TRPC7: variants seen among roughly 807,000 people sequenced by gnomAD.
TRPC7 encodes the protein transient receptor potential cation channel subfamily C member 7, also known as short transient receptor potential channel 7.
TRPC7 carries 42 observed loss-of-function variants against 90.1 expected under a neutral mutation model. The ratio of observed to expected loss-of-function variants is 0.47; its 90% CI spans 0.36 to 0.60. TRPC7 has a LOEUF of 0.60. Among genes scored for constraint, TRPC7 ranks in the 20% least tolerant of loss-of-function variants. TRPC7 has a pLI of 0.00. For synonymous variants in TRPC7, 451 were observed against 436.3 expected, an observed-to-expected ratio of 1.03 and a Z score of -0.42; for missense variants, 955 against 1,112.3, an observed-to-expected ratio of 0.86 and a Z score of 2.01.
chr5:136,349,002 ACT>A (rs1760100239), intron 2 of TRPC7, among the ~76,000 whole-genome samples: 1 of 152,130 alleles, frequency 6.6e-6, no homozygotes, highest in Admixed American at 6.5e-5. Context: ...GATATTTCAG[ACT>A]GATAGTTGCA....
chr5:136,221,468 G>T (rs966183520), intron 10 of TRPC7, among the ~76,000 whole-genome samples: 1 of 152,164 alleles, frequency 6.6e-6, no homozygotes, highest in African/African-American at 2.4e-5. Context: ...TGATGGTGAA[G>T]GGGAACACAG....
intron 3 of TRPC7, among the ~76,000 whole-genome samples, chr5:136,284,337 A>G (rs1211758909): frequency 6.6e-6 from 1 of 152,264 alleles, no homozygotes; most frequent in East Asian, 1.9e-4. Flanking sequence ...ACACATGTAT[A>G]TAAATTTCTT....
rs975420101 is a variant in TRPC7, at chr5:136,350,215, C to T, written c.780+6393G>A. ...TCCATTTTTCAAATGAGGAAACTAC[C>T]TTCCAATAGATGCCCAAGATTACAT... On this transcript the variant is annotated intron_variant, in intron 2 of 11. Transcript: ENST00000513104. Among the ~76,000 whole-genome samples the T allele has an allele frequency of 1.1e-4, 16 of 152,268 alleles. No homozygotes were observed. The South Asian group carries it at 1.9e-3, about 18-fold the overall frequency.
At chr5:136,262,987 GAAAC>G (rs998401122) in intron 5 of TRPC7, among the ~76,000 whole-genome samples, 94 of 152,268 alleles carry the variant, frequency 6.2e-4, no homozygotes, top group African/African-American at 1.9e-3. Context: ...AGCAAGCAAA[GAAAC>G]AAACAAACCA....
At chr5:136,357,505 A>C (rs1437460464) in intron 1 of TRPC7, 120 bp from the exon 2 acceptor site, 1 of 1,027,382 alleles carries the variant, frequency 9.7e-7, no homozygotes, top group Non-Finnish European at 1.4e-6. Flanking sequence ...GGAATTGTGC[A>C]ATCTTACAAA....
chr5:136,304,239 G>A (rs753600951), intron 3 of TRPC7, among the ~76,000 whole-genome samples: 6 of 151,786 alleles, frequency 4.0e-5, no homozygotes, highest in African/African-American at 1.2e-4. Flanking sequence ...CTTGGGGACC[G>A]ATCATGCACC....
intron 6 of TRPC7, among the ~76,000 whole-genome samples, chr5:136,248,849 G>A (rs752915098): frequency 6.6e-6 from 1 of 152,174 alleles, no homozygotes; most frequent in Non-Finnish European, 1.5e-5. Context: ...CTCAAGTGAG[G>A]GCAGCACTTC....
chr5:136,224,427 T>C (rs1755561930), intron 10 of TRPC7, among the ~76,000 whole-genome samples: 1 of 152,202 alleles, frequency 6.6e-6, no homozygotes, highest in Non-Finnish European at 1.5e-5. Context: ...AGTCCAAGTC[T>C]GAAGACACCT....
chr5:136,310,965 A>G (rs2149837018), intron 3 of TRPC7, among the ~76,000 whole-genome samples: 1 of 152,264 alleles, frequency 6.6e-6, no homozygotes, highest in African/African-American at 2.4e-5. Flanking sequence ...GCCTGATAAT[A>G]TATGTGCTTT....
At chr5:136,233,826 G>A (rs552871448) in intron 7 of TRPC7, among the ~76,000 whole-genome samples, 45 of 152,308 alleles carry the variant, frequency 3.0e-4, no homozygotes, top group Admixed American at 1.0e-3. Flanking sequence ...ATTAGGGAAC[G>A]TGGGCCTACA....
At chr5:136,246,722 T>C (rs981324951) in intron 7 of TRPC7, among the ~76,000 whole-genome samples, 7 of 152,246 alleles carry the variant, frequency 4.6e-5, no homozygotes, top group Non-Finnish European at 1.0e-4. Flanking sequence ...AGTGTTAGCA[T>C]GCAACTTTTA....
At chr5:136,260,093 A>G (rs1308627239) in intron 5 of TRPC7, among the ~76,000 whole-genome samples, 4 of 152,216 alleles carry the variant, frequency 2.6e-5, no homozygotes, top group Non-Finnish European at 4.4e-5. Context: ...AACAACCTAC[A>G]TGCCCCATAG....
At chr5:136,224,150 C>G (rs1017245330) in intron 10 of TRPC7, among the ~76,000 whole-genome samples, 3 of 152,090 alleles carry the variant, frequency 2.0e-5, no homozygotes, top group Admixed American at 6.5e-5. Flanking sequence ...CACCTCCACC[C>G]AAAGGAATGC....
At chr5:136,326,166 C>T (rs539573861) in intron 2 of TRPC7, among the ~76,000 whole-genome samples, 1 of 152,330 alleles carries the variant, frequency 6.6e-6, no homozygotes, top group African/African-American at 2.4e-5. Context: ...CCTTGTGGAG[C>T]GCTTTCTCAC....
At chr5:136,246,541 G>A (rs183020988) in intron 7 of TRPC7, among the ~76,000 whole-genome samples, 5 of 152,210 alleles carry the variant, frequency 3.3e-5, no homozygotes, top group Non-Finnish European at 7.3e-5. Context: ...CCCATGCTGT[G>A]TATTCTGGTG....
chr5:136,309,476 G>A (rs766249314), intron 3 of TRPC7, among the ~76,000 whole-genome samples: 3 of 152,054 alleles, frequency 2.0e-5, no homozygotes, highest in Non-Finnish European at 4.4e-5. Context: ...CTATCAATAC[G>A]AATTCCCTCA....
At chr5:136,292,958 G>T (rs1758016335) in intron 3 of TRPC7, among the ~76,000 whole-genome samples, 1 of 152,122 alleles carries the variant, frequency 6.6e-6, no homozygotes, top group African/African-American at 2.4e-5. Flanking sequence ...GATCAAGTGG[G>T]CTTCATCCCT....
At chr5:136,318,839 C>T (rs1580949306) in intron 2 of TRPC7, among the ~76,000 whole-genome samples, 1 of 152,078 alleles carries the variant, frequency 6.6e-6, no homozygotes, top group East Asian at 1.9e-4. Context: ...CTCCTTTTCA[C>T]TGTTGTTTTT....
At chr5:136,349,686 C>T (rs1465570199) in intron 2 of TRPC7, among the ~76,000 whole-genome samples, 1 of 152,156 alleles carries the variant, frequency 6.6e-6, no homozygotes, top group Non-Finnish European at 1.5e-5. Context: ...GTAGAAATTT[C>T]CTAGCAACTT....
Sources: gnomAD v4.1 joint callset for allele counts (sites outside exome capture counted in the v4.1 genomes callset) on GRCh38, gnomAD v4.1.1 for gene constraint, MANE v1.5 for transcripts, NCBI Gene and HGNC (gene_info 2026-07-23, HGNC 2026-07-21) for gene names.